Variants in PTPN21 observed in about 807,000 individuals in gnomAD.
PTPN21 encodes the protein tyrosine-protein phosphatase non-receptor type 21.
In PTPN21, 77 loss-of-function variants were observed where a neutral mutation model predicts 131.8. The ratio of observed to expected loss-of-function variants is 0.58; its 90% CI spans 0.49 to 0.71. The LOEUF is 0.71. Among genes scored for constraint, PTPN21 ranks in the 30% least tolerant of loss-of-function variants. The pLI is 0.00. For synonymous variants in PTPN21, 715 were observed against 621.3 expected (o/e 1.15, Z -2.24); for missense variants, 1,552 against 1,527.1 (o/e 1.02, Z -0.27).
At chr14:88,513,349 G>A (rs2078214449) in intron 3 of PTPN21, 1 of 152,176 alleles carries the variant, frequency 6.6e-6, no homozygotes, top group South Asian at 2.1e-4. Flanking sequence ...ATTTTTAGTA[G>A]AGACGGGGTT....
Position 88,485,161 on chromosome 14 carries a change from C to A in PTPN21, c.994-1G>T. The A allele has an allele frequency of 6.3e-7, 1 of 1,575,902 alleles. No individual in the cohort carries two copies. Among genetic ancestry groups the A allele is most frequent in the East Asian group, 2.3e-5 (1 of 43,802 alleles). On this transcript the variant is annotated splice_acceptor_variant, in intron 11 of 18. Coordinates refer to ENST00000556564, the MANE Select transcript of PTPN21 (RefSeq NM_007039.4). LOFTEE classifies it high-confidence loss of function. ...GCATCACGTAGGGCTGGGGTTTAGG[C>A]TAAGAAATGGAGAGTTTGACACAGG...
chr14:88,491,175 G>A (rs1022084115), intron 10 of PTPN21, among the ~76,000 whole-genome samples: 4 of 152,146 alleles, frequency 2.6e-5, no homozygotes, highest in Non-Finnish European at 4.4e-5. Flanking sequence ...TTTGGATAAC[G>A]ATCATTCTGT....
At chr14:88,529,437 C>T (rs1014457100) in intron 2 of PTPN21, among the ~76,000 whole-genome samples, 1 of 151,918 alleles carries the variant, frequency 6.6e-6, no homozygotes, top group Non-Finnish European at 1.5e-5. Flanking sequence ...TTTTTTGGAA[C>T]AAAGCCTCCA....
intron 2 of PTPN21, among the ~76,000 whole-genome samples, chr14:88,522,436 AAAAAAAAG>A (rs981363417): frequency 6.6e-6 from 1 of 150,574 alleles, no homozygotes; most frequent in African/African-American, 2.4e-5. Context: ...TCAAAAAAAA[AAAAAAAAG>A]AAAAAAAGAA....
intron 2 of PTPN21, among the ~76,000 whole-genome samples, chr14:88,532,614 A>AT (rs913453177): frequency 3.3e-4 from 50 of 152,114 alleles, no homozygotes; most frequent in Middle Eastern, 3.4e-3. Flanking sequence ...TCTTTTATGG[A>AT]TTTTTTTTCT....
In PTPN21 at chr14:88,534,026, C is replaced by T. The variant is rs151046108; in HGVS notation, c.180+16212G>A. Among the ~76,000 whole-genome samples the T allele has an allele frequency of 2.9e-3, 434 of 152,148 alleles. 5 individuals are homozygous for T. The highest frequency in any genetic ancestry group is 9.9e-3 in the African/African-American group (410 of 41,464). Reference sequence around the variant, plus strand: ...GTGAAAGAAAGTGTTATTGATGATCCTGACCCTGTTTAAGGCTAGGCTAAT... The same window carrying T: ...GTGAAAGAAAGTGTTATTGATGATCTTGACCCTGTTTAAGGCTAGGCTAAT... On this transcript the variant is annotated intron_variant, in intron 2 of 18. Coordinates refer to ENST00000556564, the MANE Select transcript of PTPN21 (RefSeq NM_007039.4).
At chr14:88,516,148 C>A (rs548512099) in intron 3 of PTPN21, among the ~76,000 whole-genome samples, 1 of 152,074 alleles carries the variant, frequency 6.6e-6, no homozygotes, top group South Asian at 2.1e-4. Flanking sequence ...CACGGACAAT[C>A]CTAATAACAG....
At chr14:88,491,801 G>C (rs538211391) in intron 10 of PTPN21, among the ~76,000 whole-genome samples, 35 of 152,236 alleles carry the variant, frequency 2.3e-4, no homozygotes, top group African/African-American at 7.5e-4. Context: ...GCAAACTTTG[G>C]AAAACAGCCC....
At chr14:88,533,383 T>C (rs1236441051) in intron 2 of PTPN21, among the ~76,000 whole-genome samples, 4 of 152,214 alleles carry the variant, frequency 2.6e-5, no homozygotes, top group African/African-American at 9.6e-5. Flanking sequence ...CATAGTGATG[T>C]TGTAGTTGCT....
At chr14:88,474,111 G>GT (rs768984366) in intron 13 of PTPN21, among the ~76,000 whole-genome samples, 1 of 56,266 alleles carries the variant, frequency 1.8e-5, no homozygotes, top group East Asian at 5.2e-4. Context: ...CAAGACAGAC[G>GT]TAACAAATCA....
At chr14:88,474,359 T>C (rs1595343517) in intron 13 of PTPN21, among the ~76,000 whole-genome samples, 2 of 152,112 alleles carry the variant, frequency 1.3e-5, no homozygotes, top group Admixed American at 1.3e-4. Context: ...CCAACTAATC[T>C]TTGTGTGTTT....
chr14:88,546,039 A>G (rs2078774736), intron 2 of PTPN21, among the ~76,000 whole-genome samples: 1 of 151,876 alleles, frequency 6.6e-6, no homozygotes, highest in African/African-American at 2.4e-5. Flanking sequence ...TGTAGTTCAA[A>G]TATGGTGAAT....
In PTPN21 at chr14:88,466,286, AATTTT is replaced by A. The variant is rs2140069354; in HGVS notation, c.*1846_*1850del. 6.6e-6 allele frequency: 1 copy of A among 152,246 alleles called. No individual in the cohort carries two copies. Among genetic ancestry groups the A allele is most frequent in the East Asian group, 1.9e-4 (1 of 5,184 alleles). The allele number at this position is 152,246 out of a possible 1,614,324, so 9.4% of individuals were successfully genotyped here. A position where few individuals can be genotyped will look rare whatever the true frequency, so the allele number is the denominator to read the frequency against. ...TTAATTTTGTAAAATAAAAATGTAA[AATTTT>A]AATTTTGTTCCTACATGAGAAGTGT... is the stretch of plus-strand genomic sequence containing the variant. On this transcript the variant is annotated 3_prime_UTR_variant, in exon 19 of 19. Transcript: ENST00000556564.
intron 2 of PTPN21, among the ~76,000 whole-genome samples, chr14:88,535,208 T>A (rs1159776944): frequency 6.6e-6 from 1 of 152,214 alleles, no homozygotes. Flanking sequence ...CTACCAGGAC[T>A]AGGCCACAGC....
intron 10 of PTPN21, among the ~76,000 whole-genome samples, chr14:88,486,224 CA>C (rs2077730146): frequency 6.6e-6 from 1 of 152,210 alleles, no homozygotes; most frequent in Non-Finnish European, 1.5e-5. Flanking sequence ...AGTGCAAATG[CA>C]AATGTGTTTC....
intron 6 of PTPN21, among the ~76,000 whole-genome samples, chr14:88,502,066 G>C (rs2140132342): frequency 6.6e-6 from 1 of 152,274 alleles, no homozygotes; most frequent in Non-Finnish European, 1.5e-5. Flanking sequence ...GTACGAGGAG[G>C]CTACATGAAA....
At chr14:88,484,510 A>G (rs1328512263) in intron 12 of PTPN21, among the ~76,000 whole-genome samples, 1 of 152,202 alleles carries the variant, frequency 6.6e-6, no homozygotes, top group South Asian at 2.1e-4. Flanking sequence ...ATTCTTTGTC[A>G]GATAGCAAAG....
chr14:88,504,275 T>C (rs768975851), intron 6 of PTPN21, 150 bp downstream of exon 6: 11 of 630,618 alleles, frequency 1.7e-5, no homozygotes, highest in Non-Finnish European at 2.8e-5. Context: ...TATATAAATG[T>C]TGGCTACTTG....
intron 2 of PTPN21, among the ~76,000 whole-genome samples, chr14:88,518,226 CAAAAAA>C (rs1172099704): frequency 2.8e-3 from 31 of 11,044 alleles, no homozygotes; most frequent in African/African-American, 7.5e-3. Context: ...GAATCTACCT[CAAAAAA>C]AAAAAAAAAA....
Sources: gnomAD v4.1 joint callset for allele counts (sites outside exome capture counted in the v4.1 genomes callset) on GRCh38, gnomAD v4.1.1 for gene constraint, MANE v1.5 for transcripts, NCBI Gene and HGNC (gene_info 2026-07-23, HGNC 2026-07-21) for gene names.